Variants in GBE1 observed in about 807,000 individuals in gnomAD.
GBE1 encodes the protein 1,4-alpha-glucan branching enzyme 1.
Under a neutral mutation model 88.8 loss-of-function variants are expected in GBE1, and 70 were observed. That is an observed-to-expected ratio of 0.79 (90% CI 0.65 to 0.96). The LOEUF (loss-of-function observed/expected upper bound fraction) is 0.96. Ranked by LOEUF, GBE1 falls within the 40% of genes least tolerant of loss-of-function variation. GBE1 has a pLI of 0.00. For synonymous variants in GBE1, 284 were observed against 300.1 expected (o/e 0.95, Z 0.56); for missense variants, 872 against 871.0 (o/e 1.00, Z -0.01).
chr3:81,750,749 T>C (rs1297608077), intron 1 of GBE1, among the ~76,000 whole-genome samples: 4 of 144,954 alleles, frequency 2.8e-5, no homozygotes, highest in African/African-American at 1.0e-4. Context: ...GGCGCGATCT[T>C]GGCTCACTGC....
intron 3 of GBE1, among the ~76,000 whole-genome samples, chr3:81,655,991 T>C (rs1704934315): frequency 6.6e-6 from 1 of 152,242 alleles, no homozygotes; most frequent in African/African-American, 2.4e-5. Context: ...GTTTTTGTTT[T>C]GTTTTGTTTA....
intron 7 of GBE1, among the ~76,000 whole-genome samples, chr3:81,607,615 G>A (rs551632416): frequency 8.6e-5 from 13 of 151,866 alleles, no homozygotes; most frequent in Admixed American, 2.0e-4. Context: ...CTAACTATTC[G>A]TCTTGTCATA....
intron 2 of GBE1, among the ~76,000 whole-genome samples, chr3:81,693,675 AT>A (rs1204210428): frequency 6.6e-6 from 1 of 152,140 alleles, no homozygotes; most frequent in African/African-American, 2.4e-5. Flanking sequence ...AAGCTATTGA[AT>A]TTAAATTCTG....
chr3:81,682,408 G>A (rs143246583), intron 2 of GBE1, among the ~76,000 whole-genome samples: 164 of 152,244 alleles, frequency 1.1e-3, no homozygotes, highest in African/African-American at 3.2e-3. Flanking sequence ...GCTGCAGCCA[G>A]CCATGATCAC....
intron 1 of GBE1, among the ~76,000 whole-genome samples, chr3:81,711,499 G>A (rs574738887): frequency 6.6e-6 from 1 of 152,272 alleles, no homozygotes; most frequent in East Asian, 1.9e-4. Context: ...TCAAAGATCA[G>A]ATGGTTGTAG....
At chr3:81,705,733 T>C (rs753468855) in intron 1 of GBE1, 120 bp from the exon 2 acceptor site, 4 of 563,962 alleles carry the variant, frequency 7.1e-6, no homozygotes, top group African/African-American at 2.0e-5. Flanking sequence ...TAAAGAAGAA[T>C]AATATAAATA....
intron 14 of GBE1, among the ~76,000 whole-genome samples, chr3:81,503,428 TA>T (rs1005618790): frequency 1.7e-4 from 26 of 148,812 alleles, no homozygotes; most frequent in South Asian, 2.1e-4. Context: ...TGTATCACAA[TA>T]AAAAAAAAAT....
intron 2 of GBE1, among the ~76,000 whole-genome samples, chr3:81,691,004 G>T (rs553587361): frequency 6.6e-6 from 1 of 151,262 alleles, no homozygotes; most frequent in East Asian, 1.9e-4. Context: ...TCATTTTATC[G>T]TACTTCCTGT....
At chr3:81,514,327 G>A (rs542665778) in intron 14 of GBE1, among the ~76,000 whole-genome samples, 19 of 151,432 alleles carry the variant, frequency 1.3e-4, no homozygotes, top group African/African-American at 2.2e-4. Context: ...ACAATAAAAC[G>A]TACTGAGTGT....
At chr3:81,632,303 A>G (rs1219937457) in intron 7 of GBE1, among the ~76,000 whole-genome samples, 3 of 152,308 alleles carry the variant, frequency 2.0e-5, no homozygotes, top group East Asian at 3.9e-4. Context: ...AGAATGATCT[A>G]TCTATCTGAC....
chr3:81,523,482 T>A (rs1354556955), intron 14 of GBE1, among the ~76,000 whole-genome samples: 1 of 151,688 alleles, frequency 6.6e-6, no homozygotes, highest in Middle Eastern at 3.2e-3. Flanking sequence ...TTATCCTTTT[T>A]TTGTGTTACA....
intron 1 of GBE1, among the ~76,000 whole-genome samples, chr3:81,716,867 T>C (rs928777876): frequency 6.6e-6 from 1 of 152,140 alleles, no homozygotes; most frequent in Admixed American, 6.6e-5. Flanking sequence ...ATTTCTAGAG[T>C]CTTCTGGCAA....
intron 7 of GBE1, among the ~76,000 whole-genome samples, chr3:81,609,403 G>C (rs1371706924): frequency 6.6e-6 from 1 of 152,008 alleles, no homozygotes; most frequent in African/African-American, 2.4e-5. Context: ...ACATCTGTCT[G>C]TCTCTTCACC....
At chr3:81,638,334 C>T (rs1342118940) in intron 7 of GBE1, among the ~76,000 whole-genome samples, 1 of 152,102 alleles carries the variant, frequency 6.6e-6, no homozygotes, top group Non-Finnish European at 1.5e-5. Flanking sequence ...ATCTACTTTG[C>T]TATCTCCTTT....
intron 7 of GBE1, among the ~76,000 whole-genome samples, chr3:81,597,451 T>C (rs1043378994): frequency 6.9e-6 from 1 of 144,640 alleles, no homozygotes; most frequent in Non-Finnish European, 1.5e-5. Context: ...CAAAAATATA[T>C]ATATATCTCA....
At chr3:81,496,867 G>T (rs182224942) in intron 15 of GBE1, among the ~76,000 whole-genome samples, 1 of 152,114 alleles carries the variant, frequency 6.6e-6, no homozygotes, top group Non-Finnish European at 1.5e-5. Flanking sequence ...GTATTTAAAC[G>T]AGTAATTCCT....
At chr3:81,621,054 T>C (rs1313067665) in intron 7 of GBE1, among the ~76,000 whole-genome samples, 1 of 152,162 alleles carries the variant, frequency 6.6e-6, no homozygotes, top group East Asian at 1.9e-4. Context: ...TCAGTCTCTA[T>C]CACTGTAAGA....
At chr3:81,724,966 C>A (rs1314325338) in intron 1 of GBE1, among the ~76,000 whole-genome samples, 1 of 152,074 alleles carries the variant, frequency 6.6e-6, no homozygotes, top group Admixed American at 6.6e-5. Flanking sequence ...GAGATGCTTG[C>A]CAAAATGCCT....
intron 14 of GBE1, among the ~76,000 whole-genome samples, chr3:81,503,289 A>G (rs1053899167): frequency 6.6e-6 from 1 of 152,202 alleles, no homozygotes; most frequent in Non-Finnish European, 1.5e-5. Flanking sequence ...GCAATATGCA[A>G]TGAGAGGGAG....
Sources: gnomAD v4.1 joint callset for allele counts (sites outside exome capture counted in the v4.1 genomes callset) on GRCh38, gnomAD v4.1.1 for gene constraint, MANE v1.5 for transcripts, NCBI Gene and HGNC (gene_info 2026-07-23, HGNC 2026-07-21) for gene names.